Variants in MOV10L1 observed in about 807,000 individuals in gnomAD.
MOV10L1 encodes the protein RNA helicase Mov10l1.
Under a neutral mutation model 143.8 loss-of-function variants are expected in MOV10L1, and 110 were observed. The observed-to-expected ratio is 0.76, with a 90% CI of 0.66 to 0.90. The LOEUF (loss-of-function observed/expected upper bound fraction) is 0.90, where lower values mean the gene tolerates loss of function less well. MOV10L1 is among the 40% of genes least tolerant of loss of function. MOV10L1 has a pLI of 0.00. For missense variants in MOV10L1, 1,406 were observed against 1,526.8 expected, an observed-to-expected ratio of 0.92 and a Z score of 1.32; for synonymous variants, 593 against 581.1, an observed-to-expected ratio of 1.02 and a Z score of -0.29.
rs779257855 is a variant in MOV10L1 at position 50,142,109 on chromosome 22, A to T, written c.2099A>T (p.Glu700Val). 1.1e-4 allele frequency: 182 copies of T among 1,611,984 alleles called. No individual in the cohort carries two copies. The highest frequency in any genetic ancestry group is 1.4e-4 in the Non-Finnish European group (170 of 1,179,304). Residue 700 changes from glutamate (E) to valine (V), a missense_variant, in exon 16 of 27, where the codon GAG becomes GTG. Physicochemically the swap from Glu to Val is moderately radical, Grantham distance 121. Transcript: ENST00000262794. ...KNRKTMTDQA[E>V]HGTEERRVGD... ...AGGAAAACAATGACGGACCAAGCTGAGCATGGAACAGAGGAGAGGCGTGTT... is the reference window on the plus strand; with the variant it reads ...AGGAAAACAATGACGGACCAAGCTGTGCATGGAACAGAGGAGAGGCGTGTT...
Position 50,159,820 on chromosome 22 carries a change from C to G in MOV10L1, c.3324+35C>G, listed in dbSNP as rs778971805. 7.1e-7 allele frequency: 1 copy of G among 1,416,650 alleles called. No individual in the cohort carries two copies. The highest frequency in any genetic ancestry group is 1.2e-5 in the South Asian group (1 of 85,316). The allele number at this position is 1,416,650 out of a possible 1,614,324, so 87.8% of individuals were successfully genotyped here. ...CCTGTTCTCCGTGGGGATGGACAGT[C>G]AGGTGCTTGCTGCCCTGGGGGTTCT... On this transcript the variant is annotated intron_variant, in intron 24 of 26. Transcript: ENST00000262794. This position sits in a 1 kb window ranked among gnomAD's most constrained non-coding sequence, Gnocchi z 4.1.
At position 50,113,794 on chromosome 22, in the gene MOV10L1, T is replaced by A; in HGVS notation, c.884+6T>A. On this transcript the variant is annotated splice_donor_region_variant and intron_variant, in intron 6 of 26. Transcript: ENST00000262794. ...ACCATGGTGATCTGGATAGAGTGAGTTTGCCACTGAAACATTTTCTATAAA... is the reference window on the plus strand; with the variant it reads ...ACCATGGTGATCTGGATAGAGTGAGATTGCCACTGAAACATTTTCTATAAA... 6.3e-7 allele frequency: 1 copy of A among 1,579,232 alleles called. No individual in the cohort carries two copies. Among genetic ancestry groups the A allele is most frequent in the East Asian group, 2.3e-5 (1 of 43,916 alleles).
intron 7 of MOV10L1, among the ~76,000 whole-genome samples, chr22:50,114,834 A>G (rs2062125243): frequency 6.6e-6 from 1 of 152,246 alleles, no homozygotes; most frequent in Non-Finnish European, 1.5e-5. Flanking sequence ...GAGGTGCTTC[A>G]GATGGCGGCC....
intron 20 of MOV10L1, 85 bp from the exon 21 acceptor site, chr22:50,150,650 G>T (rs1015934331): frequency 4.1e-5 from 60 of 1,451,724 alleles, no homozygotes; most frequent in Non-Finnish European, 1.4e-5. Flanking sequence ...GGGCCATCCT[G>T]CGCACAGCCC....
At position 50,157,571 on chromosome 22, in the gene MOV10L1, C is replaced by T. The variant is rs563182989; in HGVS notation, c.3067-486C>T. On this transcript the variant is annotated intron_variant, in intron 22 of 26. Coordinates refer to ENST00000262794, the MANE Select transcript of MOV10L1 (RefSeq NM_018995.3). The stretch of plus-strand genomic sequence containing the variant: ...TGTGGCTCTCTAGTTTTTCCAGCAG[C>T]GTTGGTTGAAAAACTGTCCTGGCAC... 2.6e-5 allele frequency among the ~76,000 whole-genome samples: 4 copies of T among 152,186 alleles called. No homozygotes were observed. The South Asian group carries it at 6.2e-4, about 24-fold the overall frequency.
At chr22:50,102,439 A>G (rs558143128) in intron 3 of MOV10L1, among the ~76,000 whole-genome samples, 11 of 152,336 alleles carry the variant, frequency 7.2e-5, no homozygotes, top group African/African-American at 2.4e-4. Context: ...TAAAGGTGGC[A>G]AAAGGAAGAA....
chr22:50,117,410 GC>G (rs1489715124), intron 9 of MOV10L1, 59 bp downstream of exon 9: 1 of 1,573,304 alleles, frequency 6.4e-7, no homozygotes, highest in Admixed American at 1.7e-5. Context: ...TGAAGGAAAA[GC>G]GGACGTGCAC....
chr22:50,126,639 G>GAGT (rs2062515249), intron 12 of MOV10L1, among the ~76,000 whole-genome samples: 1 of 152,170 alleles, frequency 6.6e-6, no homozygotes, highest in South Asian at 2.1e-4. Flanking sequence ...TTTTGGCTTT[G>GAGT]AGTAGATCCT....
rs528276063 is a variant in MOV10L1 at position 50,152,467 on chromosome 22, C to T, written c.2893-578C>T. Reference sequence around the variant, plus strand: ...GAGCACCTGCCCTGAGTGAGCTTCCCGAGCAAGTTGGAGGCAGACAGTAAA... The same window carrying T: ...GAGCACCTGCCCTGAGTGAGCTTCCTGAGCAAGTTGGAGGCAGACAGTAAA... On this transcript the variant is annotated intron_variant, in intron 21 of 26. Coordinates refer to ENST00000262794, the MANE Select transcript of MOV10L1 (RefSeq NM_018995.3). This position sits in a 1 kb window ranked among gnomAD's most constrained non-coding sequence, Gnocchi z 4.4. 2.6e-5 allele frequency among the ~76,000 whole-genome samples: 4 copies of T among 152,252 alleles called. No homozygotes were observed. In the South Asian group the frequency reaches 6.2e-4, roughly 24 times the overall value.
chr22:50,093,579 G>A (rs1398613836), intron 2 of MOV10L1: 2 of 152,028 alleles, frequency 1.3e-5, no homozygotes, highest in African/African-American at 4.8e-5. Context: ...TGCGATTATA[G>A]TTCACTGCAG....
intron 8 of MOV10L1, among the ~76,000 whole-genome samples, chr22:50,116,439 T>G (rs1602203187): frequency 7.6e-6 from 1 of 131,240 alleles, no homozygotes; most frequent in Non-Finnish European, 1.6e-5. Flanking sequence ...AGAGCGAGAC[T>G]CCGTCTCAAA....
At position 50,160,842 on chromosome 22, in the gene MOV10L1, T is replaced by C. The variant is rs965934738; in HGVS notation, c.3462+17T>C. On this transcript the variant is annotated intron_variant, in intron 25 of 26. Transcript: ENST00000262794. ...CTCGTTCGAGTGAGTTTTCAGGCAC[T>C]GGGTGGGCTGTGATCACTTAAGGAG... 4.2e-5 allele frequency: 68 copies of C among 1,613,748 alleles called. No homozygotes were observed. Among genetic ancestry groups the C allele is most frequent in the Non-Finnish European group, 5.6e-5 (66 of 1,179,850 alleles).
intron 19 of MOV10L1, 81 bp from the exon 20 acceptor site, chr22:50,149,534 C>T (rs545247294): frequency 3.6e-6 from 5 of 1,388,420 alleles, no homozygotes; most frequent in Admixed American, 1.9e-5. Flanking sequence ...GGGTGCTGAG[C>T]GTGGCTTTGC....
At chr22:50,109,501 C>G (rs1232723093) in intron 5 of MOV10L1, among the ~76,000 whole-genome samples, 1 of 151,362 alleles carries the variant, frequency 6.6e-6, no homozygotes, top group African/African-American at 2.4e-5. Flanking sequence ...AACCCCGTGT[C>G]TACTAAAAAA....
At chr22:50,114,646 T>C (rs755797933) in intron 7 of MOV10L1, 24 bp downstream of exon 7, 3 of 1,610,652 alleles carry the variant, frequency 1.9e-6, no homozygotes, top group East Asian at 2.2e-5. Flanking sequence ...CGGCTGTCAC[T>C]GCGTGAGGTC....
At chr22:50,110,354 C>A (rs2061990108) in intron 5 of MOV10L1, among the ~76,000 whole-genome samples, 1 of 151,160 alleles carries the variant, frequency 6.6e-6, no homozygotes, top group Non-Finnish European at 1.5e-5. Flanking sequence ...GAGGCTGAGG[C>A]AGGAGAATGG....
In MOV10L1 at chr22:50,160,684, T is replaced by C. The variant is rs375712444; in HGVS notation, c.3325-4T>C. The C allele has an allele frequency of 6.2e-7, 1 of 1,612,918 alleles. No homozygotes were observed. Among genetic ancestry groups the C allele is most frequent in the African/African-American group, 1.3e-5 (1 of 74,892 alleles). On this transcript the variant is annotated splice_polypyrimidine_tract_variant and splice_region_variant and intron_variant, in intron 24 of 26. Coordinates refer to ENST00000262794, the MANE Select transcript of MOV10L1 (RefSeq NM_018995.3). ...CATTTTTATTCATCTCTGTGTGCTT[T>C]TAGGTACGGTCAAATGAAGATAGAT... is the stretch of plus-strand genomic sequence containing the variant.
intron 15 of MOV10L1, among the ~76,000 whole-genome samples, chr22:50,136,365 T>C (rs1441231116): frequency 1.3e-5 from 2 of 152,238 alleles, no homozygotes; most frequent in South Asian, 2.1e-4. Flanking sequence ...TATCTTCTTA[T>C]GGATTAACTA....
intron 10 of MOV10L1, among the ~76,000 whole-genome samples, chr22:50,125,184 A>G (rs2062462587): frequency 6.6e-6 from 1 of 152,184 alleles, no homozygotes; most frequent in Non-Finnish European, 1.5e-5. Context: ...GCCTCATGCC[A>G]AAGGCCAGGG....
Sources: allele counts gnomAD v4.1 joint callset (sites outside exome capture counted in the v4.1 genomes callset), GRCh38; gene constraint gnomAD v4.1.1; non-coding constraint Gnocchi (gnomAD v3.1); transcripts MANE v1.5; gene names NCBI Gene and HGNC (gene_info 2026-07-23, HGNC 2026-07-21).